The following DARS2 variants were observed in gnomAD, a reference collection of about 807,000 sequenced individuals.
DARS2 encodes the protein aspartate--tRNA ligase, mitochondrial.
A neutral mutation model predicts 83.0 loss-of-function variants in DARS2; 63 were observed. The ratio of observed to expected loss-of-function variants is 0.76; its 90% CI spans 0.62 to 0.94. The LOEUF is 0.94. Ranked by LOEUF, DARS2 falls within the 40% of genes least tolerant of loss-of-function variation. DARS2 has a pLI of 0.00. For missense variants in DARS2, 675 were observed against 774.4 expected, an observed-to-expected ratio of 0.87 and a Z score of 1.52; for synonymous variants, 250 against 269.3, an observed-to-expected ratio of 0.93 and a Z score of 0.70.
chr1:173,826,059 A>G (rs1652534634), intron 1 of DARS2, among the ~76,000 whole-genome samples: 1 of 150,866 alleles, frequency 6.6e-6, no homozygotes, highest in Non-Finnish European at 1.5e-5. Context: ...CGTCTCTACT[A>G]AAAATAAAAA....
At chr1:173,839,265 A>G in intron 9 of DARS2, 102 bp from the exon 10 acceptor site, 1 of 976,858 alleles carries the variant, frequency 1.0e-6, no homozygotes, top group Non-Finnish European at 1.6e-6. Context: ...TACCCTCTGC[A>G]TGTATTATGT....
chr1:173,828,312 T>TGGGGG, intron 2 of DARS2, 21 bp from the exon 3 acceptor site: 3 of 1,551,340 alleles, frequency 1.9e-6, no homozygotes, highest in Non-Finnish European at 2.6e-6. Flanking sequence ...AATGTTTCTT[T>TGGGGG]TCCCCCCCCC....
intron 2 of DARS2, among the ~76,000 whole-genome samples, chr1:173,826,987 T>C (rs1285036743): frequency 6.6e-6 from 1 of 152,232 alleles, no homozygotes; most frequent in East Asian, 1.9e-4. Context: ...AAGACCCAAA[T>C]GTCATTCTCA....
chr1:173,856,777 T>TC (rs746164499), intron 16 of DARS2, 36 bp downstream of exon 16: 197 of 1,555,476 alleles, frequency 1.3e-4, no homozygotes, highest in Admixed American at 6.2e-4. Flanking sequence ...TAAACTGAAT[T>TC]CCATTGCACT....
intron 3 of DARS2, among the ~76,000 whole-genome samples, chr1:173,830,081 CA>C (rs931732778): frequency 4.6e-4 from 66 of 142,250 alleles, no homozygotes; most frequent in African/African-American, 9.8e-4. Context: ...TACCCTGTGT[CA>C]AAAAAAAAAA....
In DARS2 at chr1:173,845,308, A is replaced by C. The variant is rs1557860538; in HGVS notation, c.1191+17A>C. The C allele has an allele frequency of 6.3e-7, 1 of 1,589,048 alleles. No homozygotes were observed. The highest frequency in any genetic ancestry group is 1.7e-5 in the Admixed American group (1 of 59,900). On this transcript the variant is annotated intron_variant, in intron 12 of 16. Transcript: ENST00000649689. ...TTTAATCAGGTAAGGAGTTAATTAG[A>C]GCAGTTTTTTTCCTTATACAGATTC...
Position 173,837,006 on chromosome 1 carries a change from C to T in DARS2, c.730C>T (p.Gln244Ter). The T allele has an allele frequency of 1.2e-6, 2 of 1,613,966 alleles. No homozygotes were observed. Among genetic ancestry groups the T allele is most frequent in the Non-Finnish European group, 1.7e-6 (2 of 1,179,980 alleles). The change falls in exon 8 of 17, where the codon CAA (glutamine) becomes TAA (stop). Residue 244 changes from glutamine to a stop codon, truncating the protein, a stop_gained. Coordinates refer to ENST00000649689, the MANE Select transcript of DARS2 (RefSeq NM_018122.5). LOFTEE classifies it high-confidence loss of function. ...GTTTTATTCTCTCCCTCAGAGTCCT[C>T]AACAGTTTAAGCAACTTCTGATGGT... ...GKFYSLPQSPQQFKQLLMVGG... is the reference protein window; with the variant it reads ...GKFYSLPQSP
At chr1:173,853,150 TTGAG>T in intron 13 of DARS2, among the ~76,000 whole-genome samples, 195 bp from the exon 14 acceptor site, 1 of 152,230 alleles carries the variant, frequency 6.6e-6, no homozygotes, top group East Asian at 1.9e-4. Flanking sequence ...ACCCAGTTGG[TTGAG>T]TGTGATGATT....
intron 13 of DARS2, chr1:173,851,976 C>T: frequency 1.0e-6 from 1 of 985,292 alleles, no homozygotes; most frequent in Non-Finnish European, 1.2e-6. Flanking sequence ...GATTTTGTTC[C>T]TAACTAATTT....
intron 6 of DARS2, among the ~76,000 whole-genome samples, chr1:173,833,932 A>T (rs1319780720): frequency 6.6e-6 from 1 of 151,920 alleles, no homozygotes; most frequent in Non-Finnish European, 1.5e-5. Flanking sequence ...GCCAATTTTT[A>T]AAAATTTTTT....
At chr1:173,841,370 T>C (rs986416978) in intron 11 of DARS2, among the ~76,000 whole-genome samples, 5 of 151,048 alleles carry the variant, frequency 3.3e-5, no homozygotes, top group African/African-American at 4.9e-5. Flanking sequence ...AGAGCAAAAC[T>C]GTGTTTGAAA....
At chr1:173,842,582 C>T (rs1275039196) in intron 11 of DARS2, among the ~76,000 whole-genome samples, 1 of 149,214 alleles carries the variant, frequency 6.7e-6, no homozygotes, top group Non-Finnish European at 1.5e-5. Context: ...GGATTACAGG[C>T]GTAAGCCACC....
At chr1:173,851,094 TG>T (rs1653646029) in intron 13 of DARS2, among the ~76,000 whole-genome samples, 1 of 151,508 alleles carries the variant, frequency 6.6e-6, no homozygotes, top group Admixed American at 6.6e-5. Context: ...AAAAATTAGC[TG>T]GGTGTGGTGG....
chr1:173,835,584 T>A (rs1035454181), intron 7 of DARS2, among the ~76,000 whole-genome samples: 2 of 151,714 alleles, frequency 1.3e-5, no homozygotes, highest in Non-Finnish European at 2.9e-5. Flanking sequence ...AAAAATTATT[T>A]TAAAGAACAA....
In DARS2 at chr1:173,853,558, G is replaced by C; in HGVS notation, c.1554G>C (p.Glu518Asp). The change falls in exon 14 of 17, where the codon GAG (glutamate) becomes GAC (aspartate). Residue 518 changes from glutamate to aspartate, a missense_variant. Physicochemically the swap from Glu to Asp is conservative, Grantham distance 45. Transcript: ENST00000649689. ...GTGACATACATCTCCTGTACACTGA[G>C]CCCAAAAAGGTACCGTATCTATACT... ...HPSDIHLLYT[E>D]PKKARSQHYD... 1 of 1,613,960 alleles carries C rather than the reference G, an allele frequency of 6.2e-7. No homozygotes were observed. The highest frequency in any genetic ancestry group is 8.5e-7 in the Non-Finnish European group (1 of 1,180,002).
intron 6 of DARS2, among the ~76,000 whole-genome samples, 191 bp downstream of exon 6, chr1:173,833,690 T>C (rs962650446): frequency 6.6e-6 from 1 of 152,228 alleles, no homozygotes; most frequent in Non-Finnish European, 1.5e-5. Flanking sequence ...ATAGTCGCTA[T>C]TACATTGATT....
At chr1:173,843,529 C>T (rs1348901113) in intron 11 of DARS2, among the ~76,000 whole-genome samples, 1 of 152,146 alleles carries the variant, frequency 6.6e-6, no homozygotes, top group Non-Finnish European at 1.5e-5. Context: ...CACTGCACTC[C>T]AGCCTGGGCA....
At chr1:173,841,662 G>A (rs1653217305) in intron 11 of DARS2, among the ~76,000 whole-genome samples, 1 of 152,058 alleles carries the variant, frequency 6.6e-6, no homozygotes, top group South Asian at 2.1e-4. Flanking sequence ...TACCTGGCGT[G>A]GTGGCTCACA....
chr1:173,829,429 C>T (rs1652709584), intron 3 of DARS2, among the ~76,000 whole-genome samples: 1 of 151,794 alleles, frequency 6.6e-6, no homozygotes, highest in African/African-American at 2.4e-5. Flanking sequence ...ATTTAATTAC[C>T]ATTGAAATTA....
Sources: allele counts gnomAD v4.1 joint callset (sites outside exome capture counted in the v4.1 genomes callset), GRCh38; gene constraint gnomAD v4.1.1; transcripts MANE v1.5; gene names NCBI Gene and HGNC (gene_info 2026-07-23, HGNC 2026-07-21).